Variants in MAP3K7CL observed in about 807,000 individuals in gnomAD.
MAP3K7CL encodes the protein MAP3K7 C-terminal-like protein.
MAP3K7CL carries 16 observed loss-of-function variants against 18.6 expected under a neutral mutation model. The ratio of observed to expected loss-of-function variants is 0.86; its 90% CI spans 0.58 to 1.31. The LOEUF (loss-of-function observed/expected upper bound fraction) is 1.31, where lower values mean the gene tolerates loss of function less well. MAP3K7CL is among the 50% of genes most tolerant of loss of function. The pLI is 0.00. For missense variants in MAP3K7CL, 163 were observed against 174.4 expected, an observed-to-expected ratio of 0.93 and a Z score of 0.37; for synonymous variants, 65 against 66.8, an observed-to-expected ratio of 0.97 and a Z score of 0.13.
At chr21:29,169,537 A>G (rs73897284) in intron 4 of MAP3K7CL, among the ~76,000 whole-genome samples, 4,660 of 152,276 alleles carry the variant, frequency 0.031, 206 homozygotes, top group African/African-American at 0.096. Flanking sequence ...AATTCTCCCT[A>G]TGATAAAGGT....
chr21:29,105,643 T>C (rs1181860946), intron 4 of MAP3K7CL, among the ~76,000 whole-genome samples: 1 of 151,910 alleles, frequency 6.6e-6, no homozygotes, highest in Non-Finnish European at 1.5e-5. Context: ...TGAAACCACA[T>C]GGGGAAGAGC....
Position 29,151,202 on chromosome 21 carries a change from G to T in MAP3K7CL, c.132+1952G>T, listed in dbSNP as rs530680717. Among the ~76,000 whole-genome samples, 13 of 151,854 alleles carry T rather than the reference G, an allele frequency of 8.6e-5. No homozygotes were observed. In the East Asian group the frequency reaches 2.4e-3, roughly 28 times the overall value. On this transcript the variant is annotated intron_variant, in intron 3 of 4. Coordinates refer to ENST00000399928, the MANE Select transcript of MAP3K7CL (RefSeq NM_001286620.2). Reference sequence around the variant, plus strand: ...TTGAAAGTAATGCCATTGGCCCGGTGCCGTGGCTCACACCTGTAATCCCAG... The same window carrying T: ...TTGAAAGTAATGCCATTGGCCCGGTTCCGTGGCTCACACCTGTAATCCCAG...
At chr21:29,093,910 C>T (rs2086075052) in intron 4 of MAP3K7CL, among the ~76,000 whole-genome samples, 3 of 152,182 alleles carry the variant, frequency 2.0e-5, no homozygotes, top group Admixed American at 1.3e-4. Context: ...ATGATAATTA[C>T]CCTCCTTCTA....
intron 4 of MAP3K7CL, among the ~76,000 whole-genome samples, chr21:29,164,676 G>A (rs1035953656): frequency 2.6e-5 from 4 of 152,192 alleles, no homozygotes; most frequent in African/African-American, 9.7e-5. Context: ...CTCAGCATTG[G>A]CTGAATCCAA....
upstream of MAP3K7CL, among the ~76,000 whole-genome samples, chr21:29,083,896 GT>G (rs2085879027): frequency 6.7e-6 from 1 of 148,278 alleles, no homozygotes; most frequent in Admixed American, 6.8e-5. Context: ...TACCTCTCTT[GT>G]TTATGTAATA....
intron 4 of MAP3K7CL, chr21:29,109,111 A>C: frequency 6.5e-7 from 1 of 1,535,302 alleles, no homozygotes; most frequent in South Asian, 1.2e-5. Context: ...AATTATGAAG[A>C]CCACCTGGGC....
chr21:29,095,270 G>A (rs1240704193), intron 4 of MAP3K7CL, among the ~76,000 whole-genome samples: 1 of 152,154 alleles, frequency 6.6e-6, no homozygotes. Context: ...CCTTGGCTGA[G>A]GCACTTTCCT....
At chr21:29,161,185 C>T (rs1243927766) in intron 4 of MAP3K7CL, among the ~76,000 whole-genome samples, 2 of 152,134 alleles carry the variant, frequency 1.3e-5, no homozygotes, top group African/African-American at 4.8e-5. Context: ...TGGCGGGCAC[C>T]TGTAATCCCA....
chr21:29,136,535 T>G (rs1264627974), intron 2 of MAP3K7CL, among the ~76,000 whole-genome samples: 1 of 132,718 alleles, frequency 7.5e-6, no homozygotes, highest in Admixed American at 7.3e-5. Context: ...TTATTTTATT[T>G]TTTTTTTGAG....
rs533537130 is a variant in MAP3K7CL at position 29,157,404 on chromosome 21, C to T, written c.133-2537C>T. Among the ~76,000 whole-genome samples the T allele has an allele frequency of 2.0e-5, 3 of 152,222 alleles. No homozygotes were observed. The East Asian group carries it at 5.8e-4, about 29-fold the overall frequency. ...TTGCTCTTTAATGTTTTCATACAAA[C>T]TTGGAACATTTGAAGTGGTGCTGAG... On this transcript the variant is annotated intron_variant, in intron 3 of 4. Coordinates refer to ENST00000399928, the MANE Select transcript of MAP3K7CL (RefSeq NM_001286620.2).
chr21:29,109,174 C>T (rs768441596), intron 4 of MAP3K7CL: 110 of 1,535,202 alleles, frequency 7.2e-5, no homozygotes, highest in African/African-American at 4.1e-4. Flanking sequence ...TCCACCAGTG[C>T]GGACTGCAGG....
chr21:29,113,253 T>C (rs748408527), intron 4 of MAP3K7CL, among the ~76,000 whole-genome samples: 2 of 152,254 alleles, frequency 1.3e-5, no homozygotes, highest in African/African-American at 2.4e-5. Flanking sequence ...ATATTTTTGC[T>C]TTGTGCTTTA....
intron 4 of MAP3K7CL, among the ~76,000 whole-genome samples, chr21:29,172,645 T>C (rs377211473): frequency 2.0e-5 from 3 of 152,226 alleles, no homozygotes; most frequent in African/African-American, 7.2e-5. Context: ...GTATGTAATA[T>C]ATTGGCAGGT....
At chr21:29,114,947 G>C (rs1038985667) in intron 4 of MAP3K7CL, among the ~76,000 whole-genome samples, 1 of 152,208 alleles carries the variant, frequency 6.6e-6, no homozygotes, top group African/African-American at 2.4e-5. Context: ...CTCTCTACAG[G>C]AGACTTGACC....
intron 4 of MAP3K7CL, among the ~76,000 whole-genome samples, chr21:29,100,292 A>G (rs1286253440): frequency 6.6e-6 from 1 of 152,200 alleles, no homozygotes; most frequent in Non-Finnish European, 1.5e-5. Context: ...TTCTTAGTAT[A>G]AATATCATTT....
chr21:29,135,841 AC>A (rs909494883), intron 2 of MAP3K7CL, among the ~76,000 whole-genome samples: 19 of 152,212 alleles, frequency 1.2e-4, no homozygotes, highest in Admixed American at 1.1e-3. Context: ...AATTATTCCT[AC>A]CCTCTAGCCC....
chr21:29,174,633 C>T lies in MAP3K7CL; in HGVS notation c.249-79C>T, dbSNP rs537364290. On this transcript the variant is annotated intron_variant, in intron 4 of 4. Transcript: ENST00000399928. ...ACAGCAGAATGAATCATTCTACTTCCATCATGCTATTACTGAATAATTTAA... is the reference window on the plus strand; with the variant it reads ...ACAGCAGAATGAATCATTCTACTTCTATCATGCTATTACTGAATAATTTAA... 1.4e-4 allele frequency: 212 copies of T among 1,486,632 alleles called. 1 individual carries two copies. In the South Asian group the frequency reaches 2.4e-3, roughly 17 times the overall value. The allele number at this position is 1,486,632 out of a possible 1,614,324, so 92.1% of individuals were successfully genotyped here.
At chr21:29,152,513 G>C (rs371904453) in intron 3 of MAP3K7CL, among the ~76,000 whole-genome samples, 48 of 152,224 alleles carry the variant, frequency 3.2e-4, no homozygotes, top group African/African-American at 1.0e-3. Context: ...GGCATATGAA[G>C]TGCCTTGTGG....
At chr21:29,160,327 T>G (rs918887642) in intron 4 of MAP3K7CL, among the ~76,000 whole-genome samples, 2 of 152,228 alleles carry the variant, frequency 1.3e-5, no homozygotes, top group African/African-American at 4.8e-5. Context: ...CCACACTATG[T>G]TTTCCGTAAA....
Sources: allele counts gnomAD v4.1 joint callset (sites outside exome capture counted in the v4.1 genomes callset), GRCh38; gene constraint gnomAD v4.1.1; transcripts MANE v1.5; gene names NCBI Gene and HGNC (gene_info 2026-07-23, HGNC 2026-07-21).